LRMDA: variants seen among roughly 807,000 people sequenced by gnomAD.
LRMDA encodes the protein leucine-rich melanocyte differentiation-associated protein.
In LRMDA, 18 loss-of-function variants were observed where a neutral mutation model predicts 29.8. The observed-to-expected ratio is 0.60, with a 90% CI of 0.42 to 0.90. The LOEUF (loss-of-function observed/expected upper bound fraction) is 0.90, where lower values mean the gene tolerates loss of function less well. LRMDA is among the 40% of genes least tolerant of loss of function. The pLI is 0.00. For missense variants in LRMDA, 273 were observed against 273.9 expected (o/e 1.00, Z 0.02); for synonymous variants, 125 against 109.4 (o/e 1.14, Z -0.89).
intron 5 of LRMDA, among the ~76,000 whole-genome samples, chr10:76,110,885 C>T (rs1409597078): frequency 1.3e-5 from 2 of 152,056 alleles, no homozygotes; most frequent in Admixed American, 6.5e-5. Flanking sequence ...ACTACCATAG[C>T]CTGCACCACC....
chr10:75,871,902 C>G (rs1845117929), intron 2 of LRMDA, among the ~76,000 whole-genome samples: 1 of 152,166 alleles, frequency 6.6e-6, no homozygotes, highest in Non-Finnish European at 1.5e-5. Flanking sequence ...TGCTCAATAT[C>G]CAAGATCTGA....
At chr10:75,672,618 A>C (rs1589153277) in intron 2 of LRMDA, among the ~76,000 whole-genome samples, 7 of 99,672 alleles carry the variant, frequency 7.0e-5, no homozygotes, top group South Asian at 3.8e-4. Flanking sequence ...ACAGCGTCTC[A>C]CTCTGCTGCC....
intron 2 of LRMDA, among the ~76,000 whole-genome samples, chr10:75,933,444 T>C (rs753334214): frequency 6.6e-6 from 1 of 152,202 alleles, no homozygotes; most frequent in Admixed American, 6.5e-5. Flanking sequence ...TAAATTGTAG[T>C]CTTTGCATGA....
intron 2 of LRMDA, among the ~76,000 whole-genome samples, chr10:75,856,121 T>C (rs886463475): frequency 2.6e-5 from 4 of 152,200 alleles, no homozygotes; most frequent in African/African-American, 9.6e-5. Context: ...GGTAGCTTGA[T>C]GGGGATGGCA....
intron 2 of LRMDA, among the ~76,000 whole-genome samples, chr10:75,563,045 T>C (rs991578473): frequency 2.0e-5 from 3 of 152,112 alleles, no homozygotes; most frequent in African/African-American, 7.3e-5. Context: ...TTTGTGGTGG[T>C]CTCTGTATTT....
intron 5 of LRMDA, among the ~76,000 whole-genome samples, chr10:76,115,305 G>A (rs1406774154): frequency 6.6e-6 from 1 of 152,236 alleles, no homozygotes; most frequent in Non-Finnish European, 1.5e-5. Context: ...TTCAGTACAA[G>A]CACAGATGTG....
intron 2 of LRMDA, among the ~76,000 whole-genome samples, chr10:75,718,758 T>C (rs1350196450): frequency 6.6e-6 from 1 of 152,178 alleles, no homozygotes; most frequent in South Asian, 2.1e-4. Flanking sequence ...GTATAAAAAA[T>C]TAAAAGTGGA....
rs576632888 is a variant in LRMDA at position 76,085,731 on chromosome 10, A to G, written c.516+26948A>G. ...CAAGGGAGGACAGTCCTGCCTGGAA[A>G]GTCCTGGTCTGCAGGGAAGACTTGG... On this transcript the variant is annotated intron_variant, in intron 5 of 6. Transcript: ENST00000611255. 1.5e-3 allele frequency among the ~76,000 whole-genome samples: 223 copies of G among 152,296 alleles called. 4 individuals carry two copies. The highest frequency in any genetic ancestry group is 3.4e-4 in the Non-Finnish European group (23 of 68,026).
At chr10:75,737,112 C>T (rs146242980) in intron 2 of LRMDA, among the ~76,000 whole-genome samples, 8 of 152,214 alleles carry the variant, frequency 5.3e-5, no homozygotes, top group Admixed American at 3.3e-4. Context: ...TGCACACGCA[C>T]GCACACACAT....
chr10:76,121,924 G>C (rs896272450), intron 5 of LRMDA, among the ~76,000 whole-genome samples: 2 of 152,186 alleles, frequency 1.3e-5, no homozygotes, highest in East Asian at 1.9e-4. Flanking sequence ...GCCAGGTACT[G>C]TTCTAGGCAC....
chr10:75,981,073 T>C (rs1482058824), intron 2 of LRMDA, among the ~76,000 whole-genome samples: 6 of 152,256 alleles, frequency 3.9e-5, no homozygotes, highest in Admixed American at 2.6e-4. Context: ...TCCAGTGTTA[T>C]AAGTTATACA....
intron 5 of LRMDA, among the ~76,000 whole-genome samples, chr10:76,225,343 G>A (rs1478510587): frequency 6.6e-6 from 1 of 151,964 alleles, no homozygotes. Flanking sequence ...CCCAGGAGAC[G>A]GAGGTTTCAG....
At chr10:75,573,558 A>C (rs1840463323) in intron 2 of LRMDA, among the ~76,000 whole-genome samples, 1 of 152,030 alleles carries the variant, frequency 6.6e-6, no homozygotes, top group Non-Finnish European at 1.5e-5. Flanking sequence ...TTTCAGTTGT[A>C]TCTTATATTC....
At chr10:76,149,019 A>C (rs1463696612) in intron 5 of LRMDA, among the ~76,000 whole-genome samples, 5 of 152,172 alleles carry the variant, frequency 3.3e-5, no homozygotes, top group African/African-American at 1.2e-4. Flanking sequence ...CACCAGCAAA[A>C]TAGTAGAGTT....
intron 3 of LRMDA, among the ~76,000 whole-genome samples, chr10:76,039,948 T>C (rs566120391): frequency 6.6e-6 from 1 of 152,322 alleles, no homozygotes; most frequent in South Asian, 2.1e-4. Context: ...CAGATATACT[T>C]CTGAGTTTAG....
intron 2 of LRMDA, among the ~76,000 whole-genome samples, chr10:76,034,827 C>T (rs534295945): frequency 6.6e-6 from 1 of 152,270 alleles, no homozygotes; most frequent in African/African-American, 2.4e-5. Context: ...CTACGTGTCT[C>T]CCTCCCGTCC....
At chr10:75,968,272 T>G (rs1846902623) in intron 2 of LRMDA, among the ~76,000 whole-genome samples, 1 of 152,044 alleles carries the variant, frequency 6.6e-6, no homozygotes, top group African/African-American at 2.4e-5. Flanking sequence ...TCATAGAAGT[T>G]GTGGGGCTGA....
At chr10:76,515,303 A>G (rs1192719609) in intron 6 of LRMDA, among the ~76,000 whole-genome samples, 2 of 152,234 alleles carry the variant, frequency 1.3e-5, no homozygotes, top group East Asian at 3.9e-4. Flanking sequence ...TTCTTCAGCT[A>G]AATGTCTAGA....
intron 2 of LRMDA, among the ~76,000 whole-genome samples, chr10:75,466,757 A>G (rs185644421): frequency 2.0e-4 from 31 of 152,228 alleles, no homozygotes; most frequent in Middle Eastern, 6.8e-3. Context: ...TTCGTCACAG[A>G]AAGGAAACTC....
Sources: allele counts gnomAD v4.1 joint callset (sites outside exome capture counted in the v4.1 genomes callset), GRCh38; gene constraint gnomAD v4.1.1; transcripts MANE v1.5; gene names NCBI Gene and HGNC (gene_info 2026-07-23, HGNC 2026-07-21).